Variants in TANC1 observed in about 807,000 individuals in gnomAD.
The protein encoded by TANC1 is protein TANC1.
In TANC1, 77 loss-of-function variants were observed where a neutral mutation model predicts 149.7. The observed-to-expected ratio is 0.51, with a 90% CI of 0.43 to 0.62. TANC1 has a LOEUF of 0.62. TANC1 is among the 20% of genes least tolerant of loss of function. The pLI is 0.00. For synonymous variants in TANC1, 854 were observed against 925.0 expected (o/e 0.92, Z 1.39); for missense variants, 1,985 against 2,321.8 (o/e 0.85, Z 2.98).
chr2:159,220,322 T>C (rs538876439), intron 22 of TANC1, among the ~76,000 whole-genome samples: 33 of 152,252 alleles, frequency 2.2e-4, no homozygotes, highest in South Asian at 6.2e-4. Context: ...AATTTTTTTT[T>C]CCCAAGATGG....
intron 4 of TANC1, 133 bp from the exon 5 acceptor site, chr2:159,136,061 C>CGA: frequency 8.6e-6 from 4 of 467,464 alleles, no homozygotes; most frequent in Admixed American, 3.5e-5. Context: ...CGCGCGCGCG[C>CGA]GTTTAAGGGA....
chr2:159,008,545 A>C lies in TANC1; in HGVS notation c.-16+7356A>C, dbSNP rs561141555. On this transcript the variant is annotated intron_variant, in intron 2 of 26. Transcript: ENST00000263635. ...CACTTCGTGTTGGCTTTTGGTTTGCATACCCAAAACGTCGAATCTTACTGG... is the reference window on the plus strand; with the variant it reads ...CACTTCGTGTTGGCTTTTGGTTTGCCTACCCAAAACGTCGAATCTTACTGG... Among the ~76,000 whole-genome samples, 5 of 152,312 alleles carry C rather than the reference A, an allele frequency of 3.3e-5. No individual in the cohort carries two copies. In the East Asian group the frequency reaches 5.8e-4, roughly 18 times the overall value.
intron 3 of TANC1, among the ~76,000 whole-genome samples, chr2:159,072,903 T>C (rs2043283831): frequency 6.6e-6 from 1 of 152,236 alleles, no homozygotes; most frequent in Non-Finnish European, 1.5e-5. Flanking sequence ...CTCTGGATAC[T>C]AAAGGCTCTT....
chr2:159,105,677 C>G (rs1430829162), intron 4 of TANC1, among the ~76,000 whole-genome samples: 3 of 152,114 alleles, frequency 2.0e-5, no homozygotes, highest in Non-Finnish European at 2.9e-5. Context: ...TTGCCCATTC[C>G]CCCAGCATTG....
chr2:159,039,665 G>A (rs1032656772), intron 2 of TANC1, among the ~76,000 whole-genome samples: 10 of 152,212 alleles, frequency 6.6e-5, no homozygotes, highest in Non-Finnish European at 4.4e-5. Flanking sequence ...GCAGTTTTGA[G>A]TGAGTTTCTT....
At chr2:159,184,299 C>T (rs746765281) in intron 14 of TANC1, among the ~76,000 whole-genome samples, 21 of 152,110 alleles carry the variant, frequency 1.4e-4, no homozygotes, top group Admixed American at 3.3e-4. Flanking sequence ...AAGGGGATTG[C>T]TTGGTCTCAA....
At chr2:159,167,365 A>T (rs2054710224) in intron 8 of TANC1, among the ~76,000 whole-genome samples, 1 of 152,098 alleles carries the variant, frequency 6.6e-6, no homozygotes, top group South Asian at 2.1e-4. Flanking sequence ...TACTGTAGGG[A>T]GGTAAGAAGG....
chr2:159,100,175 C>G (rs1470623516), intron 4 of TANC1, among the ~76,000 whole-genome samples: 3 of 152,182 alleles, frequency 2.0e-5, no homozygotes, highest in Non-Finnish European at 4.4e-5. Context: ...TGTGCTACTG[C>G]AAATGAATTA....
chr2:159,038,335 T>A (rs2040366812), intron 2 of TANC1, among the ~76,000 whole-genome samples: 3 of 152,214 alleles, frequency 2.0e-5, no homozygotes, highest in African/African-American at 7.2e-5. Flanking sequence ...CCTAATCAAA[T>A]ACCCTTTATT....
At chr2:158,972,701 G>T (rs543749505) in intron 1 of TANC1, among the ~76,000 whole-genome samples, 1 of 152,284 alleles carries the variant, frequency 6.6e-6, no homozygotes, top group South Asian at 2.1e-4. Flanking sequence ...AAGCAATGGG[G>T]TTTAAACCTC....
At position 159,186,937 on chromosome 2, in the gene TANC1, T is replaced by C; in HGVS notation, c.2655T>C (p.His885=). The C allele has an allele frequency of 8.7e-6, 14 of 1,614,188 alleles. No individual in the cohort carries two copies. The highest frequency in any genetic ancestry group is 1.2e-5 in the Non-Finnish European group (14 of 1,180,024). The change falls in exon 16 of 27, where the codon CAT becomes CAC. Residue 885 remains histidine (H), a synonymous_variant. Coordinates refer to ENST00000263635, the MANE Select transcript of TANC1 (RefSeq NM_033394.3). The part of the protein sequence containing the change: ...LSKKTGISSS[H]LQALWIGYST... ...AGAAGACGGGAATTTCTTCAAGCCA[T>C]CTCCAAGCCCTGTGGATCGGCTACA...
chr2:159,125,290 T>C (rs1381418351), intron 4 of TANC1, among the ~76,000 whole-genome samples: 1 of 152,240 alleles, frequency 6.6e-6, no homozygotes, highest in Admixed American at 6.5e-5. Flanking sequence ...ATTTGGTGTT[T>C]ACCTGTAGCA....
In TANC1 at chr2:159,194,243, G is replaced by A. The variant is rs2057688109; in HGVS notation, c.2743-14G>A. 7 of 1,600,486 alleles carry A rather than the reference G, an allele frequency of 4.4e-6. No homozygotes were observed. Among genetic ancestry groups the A allele is most frequent in the Non-Finnish European group, 6.0e-6 (7 of 1,167,860 alleles). On this transcript the variant is annotated splice_polypyrimidine_tract_variant and intron_variant, in intron 16 of 26. Coordinates refer to ENST00000263635, the MANE Select transcript of TANC1 (RefSeq NM_033394.3). ...ATACATGTGACAATCTTGTTGGGGGGCCTTGTCCAACAGGTGAGCCGTCTC... is the reference window on the plus strand; with the variant it reads ...ATACATGTGACAATCTTGTTGGGGGACCTTGTCCAACAGGTGAGCCGTCTC...
chr2:159,139,915 GAT>G (rs1397002653), intron 5 of TANC1, among the ~76,000 whole-genome samples: 1 of 152,078 alleles, frequency 6.6e-6, no homozygotes. Context: ...AGGTATAGAG[GAT>G]TAAAGAGGTA....
intron 4 of TANC1, among the ~76,000 whole-genome samples, chr2:159,115,977 CT>C (rs2048199461): frequency 6.6e-6 from 1 of 152,146 alleles, no homozygotes; most frequent in Non-Finnish European, 1.5e-5. Flanking sequence ...CTATCTTGAA[CT>C]TTGAGTGCTC....
At chr2:159,229,217 T>C (rs1053228704) in intron 26 of TANC1, among the ~76,000 whole-genome samples, 7 of 152,076 alleles carry the variant, frequency 4.6e-5, no homozygotes, top group Non-Finnish European at 7.4e-5. Context: ...CATTAGGAAG[T>C]TCAGAGGTGG....
At chr2:159,043,508 A>C (rs2040815007) in intron 2 of TANC1, among the ~76,000 whole-genome samples, 1 of 152,210 alleles carries the variant, frequency 6.6e-6, no homozygotes, top group Non-Finnish European at 1.5e-5. Flanking sequence ...AAAGAAACTT[A>C]AAGTAAATCA....
At chr2:159,150,604 C>T (rs927887168) in intron 7 of TANC1, 48 bp downstream of exon 7, 2 of 1,444,030 alleles carry the variant, frequency 1.4e-6, no homozygotes, top group Middle Eastern at 1.7e-4. Flanking sequence ...TCTCATCAAC[C>T]AGAGCATTCA....
rs1416646331 is a variant in TANC1, at chr2:159,204,474, A to G, written c.3244+5421A>G. ...GCTAATAGCCAAGCATGGTGTGGGCATAGCCCCATCTGTGTCCATAACATC... is the reference window on the plus strand; with the variant it reads ...GCTAATAGCCAAGCATGGTGTGGGCGTAGCCCCATCTGTGTCCATAACATC... On this transcript the variant is annotated intron_variant, in intron 19 of 26. Transcript: ENST00000263635. Among the ~76,000 whole-genome samples the G allele has an allele frequency of 2.6e-5, 4 of 152,236 alleles. No individual in the cohort carries two copies. The East Asian group carries it at 7.7e-4, about 29-fold the overall frequency.
Sources: gnomAD v4.1 joint callset for allele counts (sites outside exome capture counted in the v4.1 genomes callset) on GRCh38, gnomAD v4.1.1 for gene constraint, MANE v1.5 for transcripts, NCBI Gene and HGNC (gene_info 2026-07-23, HGNC 2026-07-21) for gene names.